The following UBXN6 variants were observed in gnomAD, a reference collection of about 807,000 sequenced individuals.
The protein encoded by UBXN6 is UBX domain-containing protein 6.
Under a neutral mutation model 51.4 loss-of-function variants are expected in UBXN6, and 44 were observed. The ratio of observed to expected loss-of-function variants is 0.86; its 90% CI spans 0.67 to 1.10. UBXN6 has a LOEUF of 1.10. Ranked by LOEUF, UBXN6 falls within the 50% of genes least tolerant of loss-of-function variation. The probability of loss-of-function intolerance (pLI) is 0.00; values close to 1 mark genes in which losing one functional copy is unlikely to be tolerated. For missense variants in UBXN6, 672 were observed against 596.1 expected (o/e 1.13, Z -1.32); for synonymous variants, 316 against 263.2 (o/e 1.20, Z -1.94).
intron 10 of UBXN6, 183 bp from the exon 11 acceptor site, chr19:4,445,806 C>A: frequency 9.0e-7 from 1 of 1,112,538 alleles, no homozygotes; most frequent in South Asian, 1.6e-5. Context: ...TAAGCCTAAA[C>A]CTACTGCACT....
At position 4,446,668 on chromosome 19, in the gene UBXN6, T is replaced by A; in HGVS notation, c.752A>T (p.Gln251Leu). The A allele has an allele frequency of 6.2e-7, 1 of 1,612,104 alleles. No individual in the cohort carries two copies. The highest frequency in any genetic ancestry group is 8.5e-7 in the Non-Finnish European group (1 of 1,179,200). Reference protein sequence around the residue: ...VLSETTLAQPQSLERHKEQLL... With the variant: ...VLSETTLAQPLSLERHKEQLL... ...CTGTTCCTTGTGCCTCTCCAGGCTC[T>A]GGGGCTGGGCCAAGGTGGTCTCGCT... Residue 251 changes from glutamine to leucine, a missense_variant, in exon 8 of 11, where the codon CAG becomes CTG. Gln to Leu is a moderately radical substitution (Grantham distance 113). Coordinates refer to ENST00000301281, the MANE Select transcript of UBXN6 (RefSeq NM_025241.3).
chr19:4,452,164 G>A (rs2145184899), intron 4 of UBXN6, among the ~76,000 whole-genome samples, 200 bp downstream of exon 4: 1 of 149,034 alleles, frequency 6.7e-6, no homozygotes, highest in African/African-American at 2.5e-5. Context: ...AAAAAAAAAA[G>A]ACACCTAGTT....
intron 4 of UBXN6, chr19:4,450,221 C>CAAAAAAAAAAAAAAAAAAAAAAAA (rs537622437): frequency 2.0e-5 from 1 of 49,180 alleles, no homozygotes; most frequent in African/African-American, 6.6e-5. Context: ...GACTCTGTCT[C>CAAAAAAAAAAAAAAAAAAAAAAAA]AAAAAAAAAA....
rs781642785 is a variant in UBXN6 at position 4,452,417 on chromosome 19, C to T, written c.388G>A (p.Ala130Thr). 2.5e-6 allele frequency: 4 copies of T among 1,613,064 alleles called. No homozygotes were observed. The highest frequency in any genetic ancestry group is 3.4e-6 in the Non-Finnish European group (4 of 1,179,968). ...TCCCGCTGGTCCTTCCTCAGGGTGG[C>T]CCCAGTGAGCGGACAGGTGAAGTAC... Reference protein sequence around the residue: ...GVYFTCPLTGATLRKDQRDAC... With the variant: ...GVYFTCPLTGTTLRKDQRDAC... The change falls in exon 4 of 11, where the codon GCC becomes ACC. Residue 130 changes from alanine (A) to threonine (T), a missense_variant. Ala to Thr is a moderately conservative substitution (Grantham distance 58). Transcript: ENST00000301281.
In UBXN6 at chr19:4,446,524, T is replaced by A. The variant is rs1974527854; in HGVS notation, c.896A>T (p.Glu299Val). The change falls in exon 8 of 11, where the codon GAG becomes GTG. Residue 299 changes from glutamate to valine, a missense_variant. Transcript: ENST00000301281. ...CCTGAGCCTCTGCTCCCGCTTGATC[T>A]CCTCTGCTGTGAGGTTGAAGAAGTC... ...PGDFFNLTAE[E>V]IKREQRLRSE... 6.2e-7 allele frequency: 1 copy of A among 1,611,164 alleles called. No homozygotes were observed. The highest frequency in any genetic ancestry group is 8.5e-7 in the Non-Finnish European group (1 of 1,179,624).
intron 3 of UBXN6, 21 bp downstream of exon 3, chr19:4,453,437 G>T (rs778837233): frequency 6.2e-7 from 1 of 1,611,558 alleles, no homozygotes; most frequent in African/African-American, 1.3e-5. Flanking sequence ...ATGGGACAGT[G>T]CCACCAGTGG....
chr19:4,448,309 C>A lies in UBXN6; in HGVS notation c.539+9G>T. The A allele has an allele frequency of 6.3e-7, 1 of 1,598,076 alleles. No homozygotes were observed. The highest frequency in any genetic ancestry group is 8.5e-7 in the Non-Finnish European group (1 of 1,173,870). On this transcript the variant is annotated intron_variant, in intron 5 of 10. Coordinates refer to ENST00000301281, the MANE Select transcript of UBXN6 (RefSeq NM_025241.3). ...GGGGCCAGGCAGGGCAAAGGGGCCA[C>A]ACGCTCACTTGGCAATGGTGTCCAC...
chr19:4,445,569 T>C lies in UBXN6; in HGVS notation c.1255A>G (p.Lys419Glu). The change falls in exon 11 of 11, where the codon AAG (lysine) becomes GAG (glutamate). Residue 419 changes from lysine to glutamate, a missense_variant. Physicochemically the swap from Lys to Glu is moderately conservative, Grantham distance 56 (BLOSUM62 1). Transcript: ENST00000301281. Reference sequence around the variant, plus strand: ...GAGTCCGGCTCGGCCCCCGCGGCCTTGATGTCCTCCAGCACAGCCATGTCC... The same window carrying C: ...GAGTCCGGCTCGGCCCCCGCGGCCTCGATGTCCTCCAGCACAGCCATGTCC... ...SWDMAVLEDIKAAGAEPDSIL... is the reference protein window; with the variant it reads ...SWDMAVLEDIEAAGAEPDSIL... 1.9e-6 allele frequency: 3 copies of C among 1,613,760 alleles called. No homozygotes were observed. The highest frequency in any genetic ancestry group is 2.5e-6 in the Non-Finnish European group (3 of 1,179,974).
At position 4,453,487 on chromosome 19, in the gene UBXN6, C is replaced by G. The variant is rs764525926; in HGVS notation, c.283G>C (p.Gly95Arg). The stretch of plus-strand genomic sequence containing the variant: ...TTGGTCCCTGGGGCCTCGGGGCTCC[C>G]GCTGACGGTGGCTTCGGCTTGAAGT... ...KELQAEATVS[G>R]SPEAPGTNVV... Residue 95 changes from glycine to arginine, a missense_variant, in exon 3 of 11, where the codon GGG (glycine) becomes CGG (arginine). Coordinates refer to ENST00000301281, the MANE Select transcript of UBXN6 (RefSeq NM_025241.3). 1 of 1,613,886 alleles carries G rather than the reference C, an allele frequency of 6.2e-7. No individual in the cohort carries two copies. The highest frequency in any genetic ancestry group is 8.5e-7 in the Non-Finnish European group (1 of 1,179,930).
rs79719998 is a variant in UBXN6, at chr19:4,452,961, C to T, written c.313-469G>A. Reference sequence around the variant, plus strand: ...TCAAGCTGCTTAGAACTCCTTTCAGCGGAGCTCTGAAGGCCCACCTCCTAG... The same window carrying T: ...TCAAGCTGCTTAGAACTCCTTTCAGTGGAGCTCTGAAGGCCCACCTCCTAG... On this transcript the variant is annotated intron_variant, in intron 3 of 10. Transcript: ENST00000301281. Among the ~76,000 whole-genome samples the T allele has an allele frequency of 4.1e-3, 629 of 152,316 alleles. 3 individuals carry two copies. Among genetic ancestry groups the T allele is most frequent in the African/African-American group, 0.015 (609 of 41,578 alleles).
At position 4,457,730 on chromosome 19, in the gene UBXN6, G is replaced by A. The variant is rs781741467; in HGVS notation, c.-33C>T. On this transcript the variant is annotated 5_prime_UTR_variant, in exon 1 of 11. Coordinates refer to ENST00000301281, the MANE Select transcript of UBXN6 (RefSeq NM_025241.3). ...GCTGGCCCGGCGGCGGGGGGCCGCG[G>A]GGGCGGGGGGGCACGGGGCCCAGTC... is the stretch of plus-strand genomic sequence containing the variant. 2.1e-6 allele frequency: 3 copies of A among 1,459,700 alleles called. No individual in the cohort carries two copies. The highest frequency in any genetic ancestry group is 2.8e-5 in the East Asian group (1 of 35,988). The allele number at this position is 1,459,700 out of a possible 1,614,324, so 90.4% of individuals were successfully genotyped here. A position where few individuals can be genotyped will look rare whatever the true frequency, so the allele number is the denominator to read the frequency against.
At chr19:4,453,799 T>C (rs1348959270) in intron 2 of UBXN6, 131 bp downstream of exon 2, 31 of 1,383,040 alleles carry the variant, frequency 2.2e-5, no homozygotes, top group Non-Finnish European at 2.9e-5. Context: ...CACCTGCCCT[T>C]GATGAGCCGC....
Position 4,457,641 on chromosome 19 carries a change from G to A in UBXN6, c.57C>T (p.Pro19=). 4 of 1,601,608 alleles carry A rather than the reference G, an allele frequency of 2.5e-6. No individual in the cohort carries two copies. The highest frequency in any genetic ancestry group is 3.4e-6 in the Non-Finnish European group (4 of 1,175,272). The change falls in exon 1 of 11, where the codon CCC becomes CCT. Residue 19 remains proline, a synonymous_variant. Coordinates refer to ENST00000301281, the MANE Select transcript of UBXN6 (RefSeq NM_025241.3). ...CCACGGACTCTTTGAGCTTCTGACCGGGTCCCGCGCTCTTGAACTTGATGT... is the reference window on the plus strand; with the variant it reads ...CCACGGACTCTTTGAGCTTCTGACCAGGTCCCGCGCTCTTGAACTTGATGT... ...KADIKFKSAG[P]GQKLKESVGE... is the part of the protein sequence containing the mutation.
In UBXN6 at chr19:4,452,405, TCCTC is replaced by T. The variant is rs771996432; in HGVS notation, c.396_399del (p.Lys134ThrfsTer25). 9 of 1,613,296 alleles carry T rather than the reference TCCTC, an allele frequency of 5.6e-6. No homozygotes were observed. Among genetic ancestry groups the T allele is most frequent in the Admixed American group, 1.7e-5 (1 of 60,014 alleles). On this transcript the variant is annotated frameshift_variant, in exon 4 of 11. Coordinates refer to ENST00000301281, the MANE Select transcript of UBXN6 (RefSeq NM_025241.3). LOFTEE classifies it high-confidence loss of function. ...TTGATGCAGGCGTCCCGCTGGTCCT[TCCTC>T]AGGGTGGCCCCAGTGAGCGGACAGG...
At chr19:4,452,716 G>A (rs539137260) in intron 3 of UBXN6, among the ~76,000 whole-genome samples, 164 of 152,296 alleles carry the variant, frequency 1.1e-3, no homozygotes, top group African/African-American at 3.4e-3. Context: ...AGAACTAAAC[G>A]AGGTAAGGAA....
At chr19:4,453,654 C>G in intron 2 of UBXN6, 132 bp from the exon 3 acceptor site, 1 of 1,189,856 alleles carries the variant, frequency 8.4e-7, no homozygotes, top group Middle Eastern at 2.6e-4. Flanking sequence ...TGCTGGAGGT[C>G]AGGCTGGAGG....
chr19:4,445,970 T>G (rs752539913), intron 10 of UBXN6, 79 bp downstream of exon 10: 1 of 1,523,332 alleles, frequency 6.6e-7, no homozygotes, highest in Non-Finnish European at 8.8e-7. Context: ...GGAGGCTCCC[T>G]CCTGGGGGTG....
Position 4,446,030 on chromosome 19 carries a change from C to A in UBXN6, c.1200+19G>T. On this transcript the variant is annotated intron_variant, in intron 10 of 10. Transcript: ENST00000301281. Reference sequence around the variant, plus strand: ...GCAGAGGCATCGGGTCAGCGGTGCTCCTGCGGGCCGACACTCACCAGCCCG... The same window carrying A: ...GCAGAGGCATCGGGTCAGCGGTGCTACTGCGGGCCGACACTCACCAGCCCG... 6.3e-7 allele frequency: 1 copy of A among 1,599,936 alleles called. No individual in the cohort carries two copies. The highest frequency in any genetic ancestry group is 1.1e-5 in the South Asian group (1 of 88,998).
At chr19:4,447,004 C>T in intron 6 of UBXN6, 84 bp from the exon 7 acceptor site, 1 of 1,370,958 alleles carries the variant, frequency 7.3e-7, no homozygotes, top group East Asian at 2.5e-5. Flanking sequence ...GGGCCCGGCT[C>T]TCGCTATTGG....
Sources: gnomAD v4.1 joint callset for allele counts (sites outside exome capture counted in the v4.1 genomes callset) on GRCh38, gnomAD v4.1.1 for gene constraint, MANE v1.5 for transcripts, NCBI Gene and HGNC (gene_info 2026-07-23, HGNC 2026-07-21) for gene names.